ITFG1: variants seen among roughly 807,000 people sequenced by gnomAD.
ITFG1 encodes the protein integrin alpha FG-GAP repeat containing 1, also known as T-cell immunomodulatory protein.
Under a neutral mutation model 81.8 loss-of-function variants are expected in ITFG1, and 34 were observed. That is an observed-to-expected ratio of 0.42 (90% CI 0.32 to 0.55). The LOEUF is 0.55. ITFG1 is among the 20% of genes least tolerant of loss of function. The pLI, the probability that ITFG1 is intolerant of heterozygous loss-of-function variation, is 0.17. For synonymous variants in ITFG1, 285 were observed against 270.6 expected (o/e 1.05, Z -0.52); for missense variants, 672 against 755.4 (o/e 0.89, Z 1.29).
At chr16:47,165,898 A>C (rs2151508195) in intron 14 of ITFG1, among the ~76,000 whole-genome samples, 1 of 152,328 alleles carries the variant, frequency 6.6e-6, no homozygotes, top group African/African-American at 2.4e-5. Context: ...ATTTCATGAC[A>C]CTACTAGCAA....
At position 47,425,455 on chromosome 16, in the gene ITFG1, C is replaced by T. The variant is rs1013295661; in HGVS notation, c.655+3349G>A. ...GCTTGCCCTCCTTGGGCTGCACCCA[C>T]TGTCCAACCAGTCCCAATGCAATGA... On this transcript the variant is annotated intron_variant, in intron 6 of 17. Coordinates refer to ENST00000320640, the MANE Select transcript of ITFG1 (RefSeq NM_030790.5). Among the ~76,000 whole-genome samples the T allele has an allele frequency of 1.1e-4, 16 of 152,294 alleles. No individual in the cohort carries two copies. In the East Asian group the frequency reaches 2.9e-3, roughly 28 times the overall value.
intron 10 of ITFG1, among the ~76,000 whole-genome samples, chr16:47,295,016 T>C (rs1041963501): frequency 2.6e-5 from 4 of 152,186 alleles, no homozygotes; most frequent in African/African-American, 7.2e-5. Flanking sequence ...ATGGATTTTA[T>C]TATTTTGTGG....
chr16:47,334,073 A>G (rs1398032577), intron 8 of ITFG1, among the ~76,000 whole-genome samples: 5 of 152,192 alleles, frequency 3.3e-5, no homozygotes, highest in Admixed American at 2.6e-4. Flanking sequence ...ATCATGTTCT[A>G]TTTTATTAAT....
chr16:47,428,833 A>C lies in ITFG1; in HGVS notation c.626T>G (p.Phe209Cys), dbSNP rs2151609588. 6.2e-7 allele frequency: 1 copy of C among 1,610,384 alleles called. No homozygotes were observed. Among genetic ancestry groups the C allele is most frequent in the East Asian group, 2.2e-5 (1 of 44,722 alleles). Residue 209 changes from phenylalanine (F) to cysteine (C), a missense_variant, in exon 6 of 18, where the codon TTT becomes TGT. Phe to Cys is a radical substitution (Grantham distance 205). Around this residue, in one of 3 missense-constraint regions of ITFG1, gnomAD observed 560 missense variants for 625.7 expected, o/e 0.90. Transcript: ENST00000320640. Reference sequence around the variant, plus strand: ...TGTAAAATCTTCAGTCAGATCAATAAATGCATGAGAATGTGGAATTCGCAT... The same window carrying C: ...TGTAAAATCTTCAGTCAGATCAATACATGCATGAGAATGTGGAATTCGCAT... Reference protein sequence around the residue: ...SKMRIPHSHAFIDLTEDFTAD... With the variant: ...SKMRIPHSHACIDLTEDFTAD...
At chr16:47,209,017 A>G (rs1413273393) in intron 14 of ITFG1, among the ~76,000 whole-genome samples, 1 of 152,206 alleles carries the variant, frequency 6.6e-6, no homozygotes, top group Admixed American at 6.5e-5. Flanking sequence ...TAGAATAAGA[A>G]GGGGGAAAAC....
intron 6 of ITFG1, among the ~76,000 whole-genome samples, chr16:47,377,032 G>GT (rs921899135): frequency 1.3e-4 from 19 of 143,314 alleles, no homozygotes; most frequent in East Asian, 4.2e-4. Context: ...GAAAAAAAGA[G>GT]TTTTTTTTTC....
rs185039227 is a variant in ITFG1 at position 47,245,769 on chromosome 16, A to G, written c.1331-7761T>C. On this transcript the variant is annotated intron_variant, in intron 12 of 17. Transcript: ENST00000320640. ...TGAACACATGAATTTTCTTTTACAA[A>G]TAGTCTTCCTTAATCTTCATATCAA... Among the ~76,000 whole-genome samples the G allele has an allele frequency of 2.2e-4, 34 of 152,202 alleles. No homozygotes were observed. In the East Asian group the frequency reaches 6.4e-3, roughly 28 times the overall value.
At chr16:47,390,066 T>C (rs1480088811) in intron 6 of ITFG1, among the ~76,000 whole-genome samples, 1 of 152,196 alleles carries the variant, frequency 6.6e-6, no homozygotes, top group Non-Finnish European at 1.5e-5. Context: ...CATTTTCAGG[T>C]CCATGAACTT....
In ITFG1 at chr16:47,373,316, CTT is replaced by C. The variant is rs1491401803; in HGVS notation, c.720+2558_720+2559del. Among the ~76,000 whole-genome samples, 8 of 151,692 alleles carry C rather than the reference CTT, an allele frequency of 5.3e-5. No homozygotes were observed. In the South Asian group the frequency reaches 1.5e-3, roughly 28 times the overall value. ...TTTCCTTTTGAGATGGAGTTTTGCT[CTT>C]GTCGCCCAGGCTGGAGTGCAGTGGT... On this transcript the variant is annotated intron_variant, in intron 7 of 17. Coordinates refer to ENST00000320640, the MANE Select transcript of ITFG1 (RefSeq NM_030790.5).
intron 5 of ITFG1, among the ~76,000 whole-genome samples, chr16:47,439,075 A>G (rs1969209677): frequency 6.6e-6 from 1 of 152,344 alleles, no homozygotes; most frequent in South Asian, 2.1e-4. Context: ...AACTGGAAGA[A>G]AGGGTATGAG....
chr16:47,215,123 T>C (rs1965610024), intron 14 of ITFG1, among the ~76,000 whole-genome samples: 1 of 152,194 alleles, frequency 6.6e-6, no homozygotes, highest in Admixed American at 6.5e-5. Context: ...AGTGAGTGAC[T>C]CTCAGCTGCT....
chr16:47,288,423 T>C (rs1966878509), intron 10 of ITFG1, among the ~76,000 whole-genome samples: 1 of 152,212 alleles, frequency 6.6e-6, no homozygotes, highest in African/African-American at 2.4e-5. Flanking sequence ...AGGTATCCTT[T>C]TGATTTCCTT....
intron 10 of ITFG1, among the ~76,000 whole-genome samples, chr16:47,290,569 T>C (rs61187964): frequency 0.013 from 1,909 of 152,290 alleles, 37 homozygotes; most frequent in African/African-American, 0.044. Flanking sequence ...AATAATTACT[T>C]TGTCTGTTTT....
intron 8 of ITFG1, among the ~76,000 whole-genome samples, chr16:47,315,795 T>C (rs372411809): frequency 2.3e-5 from 3 of 128,514 alleles, no homozygotes; most frequent in African/African-American, 4.1e-5. Flanking sequence ...ATATATAATT[T>C]ATTATTTTTT....
intron 2 of ITFG1, among the ~76,000 whole-genome samples, chr16:47,455,389 TA>T (rs1194363544): frequency 2.3e-4 from 32 of 136,698 alleles, no homozygotes; most frequent in Middle Eastern, 3.6e-3. Context: ...AGTCTGTCTA[TA>T]AAAAAAAAAA....
chr16:47,308,151 G>T (rs1057424448), intron 10 of ITFG1, among the ~76,000 whole-genome samples: 5 of 152,024 alleles, frequency 3.3e-5, no homozygotes, highest in African/African-American at 9.7e-5. Context: ...ATTTTCCTTT[G>T]GGTATATACC....
chr16:47,383,858 C>T (rs1312237733), intron 6 of ITFG1, among the ~76,000 whole-genome samples: 2 of 152,178 alleles, frequency 1.3e-5, no homozygotes, highest in African/African-American at 2.4e-5. Flanking sequence ...GAGCCAAGAT[C>T]GTGCCATTGC....
At chr16:47,383,621 C>T (rs1968422287) in intron 6 of ITFG1, among the ~76,000 whole-genome samples, 2 of 152,206 alleles carry the variant, frequency 1.3e-5, no homozygotes, top group Non-Finnish European at 2.9e-5. Flanking sequence ...AATGAAAAGA[C>T]TGGGCCGGGC....
chr16:47,263,768 A>C (rs1049123124), intron 10 of ITFG1, among the ~76,000 whole-genome samples: 7 of 152,192 alleles, frequency 4.6e-5, no homozygotes, highest in African/African-American at 1.7e-4. Context: ...TACATACATA[A>C]ATAAATGAAT....
Sources: allele counts gnomAD v4.1 joint callset (sites outside exome capture counted in the v4.1 genomes callset), GRCh38; gene constraint gnomAD v4.1.1; regional missense constraint gnomAD v4.1.1; transcripts MANE v1.5; gene names NCBI Gene and HGNC (gene_info 2026-07-23, HGNC 2026-07-21).